CDK14: variants seen among roughly 807,000 people sequenced by gnomAD.
The protein encoded by CDK14 is cyclin dependent kinase 14.
CDK14 carries 34 observed loss-of-function variants against 60.7 expected under a neutral mutation model. That is an observed-to-expected ratio of 0.56 (90% CI 0.43 to 0.75). The LOEUF is 0.75. Ranked by LOEUF, CDK14 falls within the 30% of genes least tolerant of loss-of-function variation. The pLI is 0.00. For synonymous variants in CDK14, 197 were observed against 203.7 expected (o/e 0.97, Z 0.28); for missense variants, 482 against 564.1 (o/e 0.85, Z 1.47).
chr7:90,946,867 C>T (rs1013210210), intron 8 of CDK14, among the ~76,000 whole-genome samples: 4 of 152,202 alleles, frequency 2.6e-5, no homozygotes, highest in Non-Finnish European at 5.9e-5. Context: ...GTCCCCGTCT[C>T]CCAGCAGTTT....
chr7:90,642,220 A>C (rs1800354329), intron 2 of CDK14, among the ~76,000 whole-genome samples: 1 of 152,234 alleles, frequency 6.6e-6, no homozygotes, highest in Non-Finnish European at 1.5e-5. Flanking sequence ...CATTTTTAAG[A>C]GTCTGTGTTT....
chr7:90,761,898 G>A (rs1264002303), intron 4 of CDK14, among the ~76,000 whole-genome samples: 1 of 152,206 alleles, frequency 6.6e-6, no homozygotes, highest in Admixed American at 6.5e-5. Flanking sequence ...TAGGTGTGTA[G>A]TGGTGAACAA....
chr7:91,168,557 T>G (rs1340930741), intron 14 of CDK14, among the ~76,000 whole-genome samples: 1 of 152,236 alleles, frequency 6.6e-6, no homozygotes, highest in Non-Finnish European at 1.5e-5. Flanking sequence ...GATTATATGA[T>G]GCATTGGGGA....
chr7:91,051,529 T>C (rs1045716705), intron 11 of CDK14, among the ~76,000 whole-genome samples: 4 of 152,200 alleles, frequency 2.6e-5, no homozygotes, highest in African/African-American at 9.7e-5. Flanking sequence ...CCAGAGTGTT[T>C]CCTTTTGTCA....
chr7:90,696,148 AG>A (rs1383781610), intron 2 of CDK14, among the ~76,000 whole-genome samples: 1 of 152,176 alleles, frequency 6.6e-6, no homozygotes, highest in Non-Finnish European at 1.5e-5. Flanking sequence ...AGGAGAGCCA[AG>A]GGAACTAGCT....
chr7:91,118,104 C>T lies in CDK14; in HGVS notation c.1334C>T (p.Pro445Leu). 6.2e-7 allele frequency: 1 copy of T among 1,613,350 alleles called. No individual in the cohort carries two copies. The highest frequency in any genetic ancestry group is 8.5e-7 in the Non-Finnish European group (1 of 1,179,480). Reference protein sequence around the residue: ...IFTVPNVRLQPEAGESMRAFG... With the variant: ...IFTVPNVRLQLEAGESMRAFG... ...ACTGTCCCAAATGTGAGATTGCAAC[C>T]AGAAGCTGGAGAAAGCATGCGGGCC... Residue 445 changes from proline (P) to leucine (L), a missense_variant, in exon 14 of 15, where the codon CCA becomes CTA. Coordinates refer to ENST00000380050, the MANE Select transcript of CDK14 (RefSeq NM_001287135.2).
chr7:90,753,130 T>G (rs373498092), intron 4 of CDK14, among the ~76,000 whole-genome samples: 8 of 152,296 alleles, frequency 5.3e-5, no homozygotes, highest in African/African-American at 1.9e-4. Context: ...GACACCGCCT[T>G]ATCATCGAGG....
chr7:90,900,856 T>C (rs1186259139), intron 7 of CDK14, among the ~76,000 whole-genome samples: 2 of 152,218 alleles, frequency 1.3e-5, no homozygotes, highest in African/African-American at 4.8e-5. Flanking sequence ...CAATCATGTA[T>C]GTGTCATTAG....
chr7:90,847,524 A>G (rs181346807), intron 5 of CDK14, among the ~76,000 whole-genome samples: 115 of 152,254 alleles, frequency 7.6e-4, no homozygotes, highest in Middle Eastern at 3.4e-3. Context: ...TTTCTTCCAC[A>G]TGGGTAATTT....
At chr7:90,950,697 T>C (rs1584158441) in intron 8 of CDK14, among the ~76,000 whole-genome samples, 1 of 152,182 alleles carries the variant, frequency 6.6e-6, no homozygotes, top group African/African-American at 2.4e-5. Context: ...GAGATACCTG[T>C]GGACTATCAT....
chr7:90,885,305 C>T (rs1023019978), intron 6 of CDK14, among the ~76,000 whole-genome samples: 9 of 152,050 alleles, frequency 5.9e-5, no homozygotes, highest in African/African-American at 1.9e-4. Context: ...AAGACATTTA[C>T]ACGACCAACA....
chr7:90,632,283 G>A (rs1800019667), intron 2 of CDK14: 2 of 245,848 alleles, frequency 8.1e-6, no homozygotes, highest in Non-Finnish European at 8.5e-6. Flanking sequence ...AGTCCAGGAA[G>A]GCATCCCCTC....
chr7:90,967,389 A>G (rs1794783986), intron 9 of CDK14, among the ~76,000 whole-genome samples: 1 of 152,208 alleles, frequency 6.6e-6, no homozygotes, highest in African/African-American at 2.4e-5. Context: ...GACTTTAACT[A>G]TGAACATTGA....
chr7:91,190,170 A>G (rs890491649), intron 14 of CDK14, among the ~76,000 whole-genome samples: 2 of 152,164 alleles, frequency 1.3e-5, no homozygotes, highest in Non-Finnish European at 2.9e-5. Context: ...GTAGACATGG[A>G]GGGGGTTCTG....
intron 14 of CDK14, among the ~76,000 whole-genome samples, chr7:91,176,257 G>C (rs1201198693): frequency 3.3e-5 from 5 of 152,110 alleles, no homozygotes; most frequent in East Asian, 1.9e-4. Flanking sequence ...TTCTTTGAAC[G>C]CAACGAGAGC....
At chr7:91,128,541 A>G (rs1800018289) in intron 14 of CDK14, among the ~76,000 whole-genome samples, 1 of 152,190 alleles carries the variant, frequency 6.6e-6, no homozygotes. Flanking sequence ...CCAATTTGTT[A>G]ATAACTGACA....
At chr7:90,980,926 A>T (rs973613807) in intron 9 of CDK14, among the ~76,000 whole-genome samples, 4 of 152,240 alleles carry the variant, frequency 2.6e-5, no homozygotes, top group Non-Finnish European at 5.9e-5. Context: ...AATAAATTCT[A>T]TAAGTAGTTC....
At chr7:91,033,003 C>T (rs1179709372) in intron 10 of CDK14, among the ~76,000 whole-genome samples, 1 of 152,154 alleles carries the variant, frequency 6.6e-6, no homozygotes, top group Non-Finnish European at 1.5e-5. Flanking sequence ...TAAAGGTTGA[C>T]AATCAGCACA....
At chr7:91,049,813 AC>A (rs1454858814) in intron 11 of CDK14, among the ~76,000 whole-genome samples, 1 of 152,220 alleles carries the variant, frequency 6.6e-6, no homozygotes, top group African/African-American at 2.4e-5. Flanking sequence ...GTTGCATTGA[AC>A]AAAAAGCAAA....
Sources: gnomAD v4.1 joint callset for allele counts (sites outside exome capture counted in the v4.1 genomes callset) on GRCh38, gnomAD v4.1.1 for gene constraint, MANE v1.5 for transcripts, NCBI Gene and HGNC (gene_info 2026-07-23, HGNC 2026-07-21) for gene names.